Variants in PHACTR2 observed in about 807,000 individuals in gnomAD.
The protein encoded by PHACTR2 is phosphatase and actin regulator 2.
A neutral mutation model predicts 76.0 loss-of-function variants in PHACTR2; 30 were observed. The observed-to-expected ratio is 0.39, with a 90% confidence interval of 0.30 to 0.54. The LOEUF (loss-of-function observed/expected upper bound fraction) is 0.54, where lower values mean the gene tolerates loss of function less well. Among genes scored for constraint, PHACTR2 ranks in the 20% least tolerant of loss-of-function variants. The probability of loss-of-function intolerance (pLI) is 0.61; values close to 1 mark genes in which losing one functional copy is unlikely to be tolerated. For synonymous variants in PHACTR2, 292 were observed against 292.5 expected, an observed-to-expected ratio of 1.00 and a Z score of 0.02; for missense variants, 696 against 781.1, an observed-to-expected ratio of 0.89 and a Z score of 1.30.
At position 143,680,407 on chromosome 6, in the gene PHACTR2, C is replaced by T. The variant is rs914727370; in HGVS notation, c.46+2198C>T. Among the ~76,000 whole-genome samples, 2 of 151,976 alleles carry T rather than the reference C, an allele frequency of 1.3e-5. No homozygotes were observed. The highest frequency in any genetic ancestry group is 6.5e-5 in the Admixed American group (1 of 15,270). Reference sequence around the variant, plus strand: ...ATTCTCATCTTAAATGCTTAGTGGGCGAAAATCTGTTTAAGTCAAAGGAAT... The same window carrying T: ...ATTCTCATCTTAAATGCTTAGTGGGTGAAAATCTGTTTAAGTCAAAGGAAT... On this transcript the variant is annotated intron_variant, in intron 1 of 12. Coordinates refer to ENST00000440869, the MANE Select transcript of PHACTR2 (RefSeq NM_001100164.2). The surrounding 1 kb of genome is among the most constrained non-coding windows in gnomAD (Gnocchi z 4.5).
chr6:143,649,528 T>C (rs1324330454), intron 1 of PHACTR2, among the ~76,000 whole-genome samples: 1 of 152,178 alleles, frequency 6.6e-6, no homozygotes, highest in Admixed American at 6.5e-5. Flanking sequence ...GGATGCAAGG[T>C]TGGTTCAACA....
At chr6:143,569,072 A>G (rs1363100260) in intron 1 of PHACTR2, among the ~76,000 whole-genome samples, 1 of 151,998 alleles carries the variant, frequency 6.6e-6, no homozygotes, top group Non-Finnish European at 1.5e-5. Flanking sequence ...AATCTTCCCA[A>G]CCCATATTTG....
chr6:143,707,309 T>G (rs1163889960), intron 1 of PHACTR2, among the ~76,000 whole-genome samples: 1 of 152,254 alleles, frequency 6.6e-6, no homozygotes, highest in Non-Finnish European at 1.5e-5. Context: ...TTCTCCTAGT[T>G]ATTTTTGCTA....
intron 1 of PHACTR2, among the ~76,000 whole-genome samples, chr6:143,644,552 G>A (rs1437342317): frequency 6.8e-6 from 1 of 147,992 alleles, no homozygotes; most frequent in East Asian, 2.0e-4. Flanking sequence ...ACATTTATTT[G>A]GACTCATGTA....
Position 143,654,350 on chromosome 6 carries a change from A to C in PHACTR2, c.13+46028A>C, listed in dbSNP as rs956130720. On this transcript the variant is annotated intron_variant, in intron 1 of 11. Coordinates refer to the PHACTR2 transcript ENST00000305766. This position sits in a 1 kb window ranked among gnomAD's most constrained non-coding sequence, Gnocchi z 4.6. The stretch of plus-strand genomic sequence containing the variant: ...CAATTCTACTTCTAGGTATATACCC[A>C]AAAAAATGAAAACATATATTCACCA... 1.3e-5 allele frequency among the ~76,000 whole-genome samples: 2 copies of C among 152,322 alleles called. No individual in the cohort carries two copies. The highest frequency in any genetic ancestry group is 2.1e-4 in the South Asian group (1 of 4,826).
chr6:143,568,688 T>G (rs1133477), intron 1 of PHACTR2, among the ~76,000 whole-genome samples: 39,935 of 152,174 alleles, frequency 0.26, 5,269 homozygotes, highest in South Asian at 0.39. Context: ...AATGAAGGTT[T>G]ATGAAATTTT....
Position 143,540,476 on chromosome 6 carries a change from C to T in PHACTR2, c.217+3269C>T, listed in dbSNP as rs574876511. Among the ~76,000 whole-genome samples, 56 of 152,222 alleles carry T rather than the reference C, an allele frequency of 3.7e-4. No homozygotes were observed. In the South Asian group the frequency reaches 0.012, roughly 32 times the overall value. ...GGAACTCAGCCTCTAAAATCTTGCC[C>T]ACTGCTGCAAACAGTCAGTCTAATA... On this transcript the variant is annotated intron_variant, in intron 1 of 11. Coordinates refer to the PHACTR2 transcript ENST00000367584.
rs1467115870 is a variant in PHACTR2 at position 143,816,337 on chromosome 6, A to G, written c.1923-7337A>G. 6.6e-6 allele frequency among the ~76,000 whole-genome samples: 1 copy of G among 152,222 alleles called. No individual in the cohort carries two copies. The highest frequency in any genetic ancestry group is 1.5e-5 in the Non-Finnish European group (1 of 68,038). ...AATAACAAACTGAAGAGTATTTTGC[A>G]TTTTCAGTACCTCTAACCACAGCGT... is the stretch of plus-strand genomic sequence containing the variant. On this transcript the variant is annotated intron_variant, in intron 12 of 12. Coordinates refer to ENST00000440869, the MANE Select transcript of PHACTR2 (RefSeq NM_001100164.2). The surrounding 1 kb of genome is among the most constrained non-coding windows in gnomAD (Gnocchi z 4.5).
chr6:143,673,600 T>C (rs1458528660), upstream of PHACTR2, among the ~76,000 whole-genome samples: 4 of 152,074 alleles, frequency 2.6e-5, no homozygotes, highest in Non-Finnish European at 2.9e-5. Context: ...TTTATAGCAG[T>C]TTTTAGAGTT....
chr6:143,737,969 G>A (rs143349839), intron 2 of PHACTR2, among the ~76,000 whole-genome samples: 3 of 152,210 alleles, frequency 2.0e-5, no homozygotes, highest in Admixed American at 6.5e-5. Context: ...GATTGGATAT[G>A]TAAAATGAAA....
rs758718660 is a variant in PHACTR2 at position 143,549,558 on chromosome 6, TG to T, written c.217+12357del. Among the ~76,000 whole-genome samples, 3 of 151,936 alleles carry T rather than the reference TG, an allele frequency of 2.0e-5. No individual in the cohort carries two copies. The highest frequency in any genetic ancestry group is 4.4e-5 in the Non-Finnish European group (3 of 67,922). On this transcript the variant is annotated intron_variant, in intron 1 of 11. Transcript: ENST00000367584. This position sits in a 1 kb window ranked among gnomAD's most constrained non-coding sequence, Gnocchi z 4.2. ...TGTTTGCCCAAGCCCAGGAACCTGC[TG>T]GGGGGTACTCAGCAGCTGCTAAGCA...
rs1779273767 is a variant in PHACTR2 at position 143,755,292 on chromosome 6, C to T, written c.454+1380C>T. 2.2e-6 allele frequency: 1 copy of T among 455,918 alleles called. No homozygotes were observed. Among genetic ancestry groups the T allele is most frequent in the Non-Finnish European group, 4.4e-6 (1 of 226,806 alleles). 28.2% of individuals were successfully genotyped at this position (455,918 alleles called of 1,614,324 possible). ...ATGTTTTTTGTTTAAGTCTTTCTGT[C>T]CTGTCTCGCCAGACTGTTGAATTTC... On this transcript the variant is annotated intron_variant, in intron 4 of 12. Transcript: ENST00000440869. The surrounding 1 kb of genome is among the most constrained non-coding windows in gnomAD (Gnocchi z 5.2).
Sources: gnomAD v4.1 joint callset for allele counts (sites outside exome capture counted in the v4.1 genomes callset) on GRCh38, gnomAD v4.1.1 for gene constraint, Gnocchi (gnomAD v3.1) non-coding constraint, MANE v1.5 for transcripts, NCBI Gene and HGNC (gene_info 2026-07-23, HGNC 2026-07-21) for gene names.